The following SCAF4 variants were observed in gnomAD, a reference collection of about 807,000 sequenced individuals.
The protein encoded by SCAF4 is SR-related CTD associated factor 4.
In SCAF4, 25 loss-of-function variants were observed where a neutral mutation model predicts 129.8. The observed-to-expected ratio is 0.19, with a 90% CI of 0.14 to 0.27. The LOEUF (loss-of-function observed/expected upper bound fraction) is 0.27. Among genes scored for constraint, SCAF4 ranks in the 10% least tolerant of loss-of-function variants. The pLI is 1.00. For missense variants in SCAF4, 1,246 were observed against 1,457.1 expected, an observed-to-expected ratio of 0.86 and a Z score of 2.36; for synonymous variants, 551 against 497.7, an observed-to-expected ratio of 1.11 and a Z score of -1.43.
chr21:31,683,947 AT>A (rs952103864), intron 19 of SCAF4: 2 of 153,492 alleles, frequency 1.3e-5, no homozygotes, highest in African/African-American at 4.8e-5. Context: ...ACTCAAGGCT[AT>A]TATCAGCCTA....
chr21:31,673,306 C>T (rs897370877), intron 19 of SCAF4, among the ~76,000 whole-genome samples: 3 of 152,106 alleles, frequency 2.0e-5, no homozygotes, highest in African/African-American at 7.2e-5. Context: ...TACTATAATA[C>T]TATGATTGAA....
rs2051033154 is a variant in SCAF4, at chr21:31,720,010, AG to A, written c.30+11652del. 3.9e-5 allele frequency among the ~76,000 whole-genome samples: 6 copies of A among 152,214 alleles called. No homozygotes were observed. The South Asian group carries it at 1.2e-3, about 32-fold the overall frequency. On this transcript the variant is annotated intron_variant, in intron 1 of 19. Coordinates refer to ENST00000286835, the MANE Select transcript of SCAF4 (RefSeq NM_020706.2). ...TTTTCACTTGCTTGAAAGACAGGCC[AG>A]GAGGTGATTTTAGGAAATGCCAAAT...
intron 7 of SCAF4, among the ~76,000 whole-genome samples, chr21:31,698,851 A>C (rs8131714): frequency 0.042 from 6,354 of 152,246 alleles, 464 homozygotes; most frequent in African/African-American, 0.15. Flanking sequence ...TGCAAATTTC[A>C]AATTTGCTAG....
Position 31,701,152 on chromosome 21 carries a change from G to C in SCAF4, c.620C>G (p.Thr207Ser). The change falls in exon 7 of 20, where the codon ACT (threonine) becomes AGT (serine). Residue 207 changes from threonine (T) to serine (S), a missense_variant. By Grantham distance (58) the Thr-to-Ser change is moderately conservative (BLOSUM62 1). Coordinates refer to ENST00000286835, the MANE Select transcript of SCAF4 (RefSeq NM_020706.2). ...CTGTGGTTTTGGAGGCTGTTGAAAA[G>C]TCTGAAGGATCTGCTGAAGCTTAAA... is the stretch of plus-strand genomic sequence containing the variant. Reference protein sequence around the residue: ...QGQQLQQILQTFQQPPKPQSP... With the variant: ...QGQQLQQILQSFQQPPKPQSP... 6.3e-7 allele frequency: 1 copy of C among 1,588,884 alleles called. No homozygotes were observed. Among genetic ancestry groups the C allele is most frequent in the Non-Finnish European group, 8.6e-7 (1 of 1,167,150 alleles).
At chr21:31,720,946 G>A (rs949183440) in intron 1 of SCAF4, among the ~76,000 whole-genome samples, 1 of 152,116 alleles carries the variant, frequency 6.6e-6, no homozygotes, top group Non-Finnish European at 1.5e-5. Context: ...CAACAAAATG[G>A]TTATGATATA....
chr21:31,707,736 C>G (rs2050701696), intron 1 of SCAF4, among the ~76,000 whole-genome samples: 3 of 152,128 alleles, frequency 2.0e-5, no homozygotes, highest in African/African-American at 7.2e-5. Flanking sequence ...AGCTAAGAGG[C>G]TAGACTAAAA....
intron 1 of SCAF4, among the ~76,000 whole-genome samples, chr21:31,717,826 C>CATATATATATATATATAT (rs796625672): frequency 9.1e-6 from 1 of 110,260 alleles, no homozygotes; most frequent in East Asian, 2.6e-4. Flanking sequence ...AAACTGCTGC[C>CATATATATATATATATAT]ATATATATAT....
intron 1 of SCAF4, among the ~76,000 whole-genome samples, chr21:31,717,841 A>ATATATATATG (rs1368659249): frequency 1.2e-5 from 1 of 83,332 alleles, no homozygotes; most frequent in African/African-American, 4.3e-5. Flanking sequence ...ATATATATAT[A>ATATATATATG]TACACACACA....
At chr21:31,700,822 T>C (rs2050510886) in intron 7 of SCAF4, 173 bp downstream of exon 7, 2 of 734,380 alleles carry the variant, frequency 2.7e-6, no homozygotes, top group African/African-American at 1.8e-5. Context: ...ACTGAGCACA[T>C]ATCACATTTA....
rs540952141 is a variant in SCAF4 at position 31,716,032 on chromosome 21, A to G, written c.31-9675T>C. On this transcript the variant is annotated intron_variant, in intron 1 of 19. Coordinates refer to ENST00000286835, the MANE Select transcript of SCAF4 (RefSeq NM_020706.2). The stretch of plus-strand genomic sequence containing the variant: ...ACAAAAGTAAACTGGCCCAGAGTCT[A>G]CAATTTCTAAAGTATGCTTTTTCCT... 1.2e-3 allele frequency among the ~76,000 whole-genome samples: 190 copies of G among 152,290 alleles called. 6 individuals are homozygous for G. Among genetic ancestry groups the G allele is most frequent in the Admixed American group, 8.5e-4 (13 of 15,290 alleles).
Position 31,705,432 on chromosome 21 carries a change from G to T in SCAF4, c.150C>A (p.Phe50Leu). 7.8e-7 allele frequency: 1 copy of T among 1,274,468 alleles called. No individual in the cohort carries two copies. Among genetic ancestry groups the T allele is most frequent in the South Asian group, 1.4e-5 (1 of 73,348 alleles). The allele number at this position is 1,274,468 out of a possible 1,614,324, so 78.9% of individuals were successfully genotyped here. The stretch of plus-strand genomic sequence containing the variant: ...AATGAGAGATAGTTACCTTTTTGAT[G>T]AACTTTTCTACTATTTGAACTACAT... Reference protein sequence around the residue: ...YKHVVQIVEKFIKKCKPEYKV... With the variant: ...YKHVVQIVEKLIKKCKPEYKV... Residue 50 changes from phenylalanine (F) to leucine (L), a missense_variant, in exon 3 of 20, where the codon TTC (phenylalanine) becomes TTA (leucine). This residue lies in a region of SCAF4 where 56 missense variants were observed against 139.4 expected (regional missense o/e 0.40). Coordinates refer to ENST00000286835, the MANE Select transcript of SCAF4 (RefSeq NM_020706.2).
At chr21:31,702,492 G>GT (rs755933703) in intron 4 of SCAF4, 113 bp from the exon 5 acceptor site, 32 of 927,258 alleles carry the variant, frequency 3.5e-5, no homozygotes, top group Non-Finnish European at 4.8e-5. Flanking sequence ...CATACTATGT[G>GT]TGTTTCATAA....
At chr21:31,684,815 A>G in intron 19 of SCAF4, 1 of 524,086 alleles carries the variant, frequency 1.9e-6, no homozygotes, top group East Asian at 3.4e-5. Flanking sequence ...ACAGACAAAC[A>G]TGATTTTGTC....
chr21:31,696,058 C>G, intron 9 of SCAF4, 55 bp downstream of exon 9: 1 of 1,301,870 alleles, frequency 7.7e-7, no homozygotes, highest in East Asian at 2.3e-5. Flanking sequence ...GAATGCAAAC[C>G]ATACGCTCTA....
intron 14 of SCAF4, 148 bp downstream of exon 14, chr21:31,691,669 C>CT (rs886100904): frequency 2.2e-5 from 8 of 361,734 alleles, no homozygotes; most frequent in African/African-American, 1.7e-4. Flanking sequence ...AGGAAATATT[C>CT]TTTAAAAAAA....
At chr21:31,703,286 G>A (rs1221397553) in intron 4 of SCAF4, among the ~76,000 whole-genome samples, 5 of 152,018 alleles carry the variant, frequency 3.3e-5, no homozygotes, top group Admixed American at 2.6e-4. Context: ...CTTTAAAGAT[G>A]ATGCGCCTTT....
At chr21:31,675,088 C>T (rs1428453411) in intron 19 of SCAF4, among the ~76,000 whole-genome samples, 1 of 152,076 alleles carries the variant, frequency 6.6e-6, no homozygotes, top group Non-Finnish European at 1.5e-5. Context: ...TTTGAAAAGG[C>T]ATATAGCAAG....
chr21:31,717,993 G>C (rs1157118391), intron 1 of SCAF4, among the ~76,000 whole-genome samples: 1 of 151,714 alleles, frequency 6.6e-6, no homozygotes, highest in African/African-American at 2.4e-5. Flanking sequence ...GCCCAGGCTG[G>C]AGTGCAATGG....
chr21:31,705,994 C>T (rs924704117), intron 2 of SCAF4, among the ~76,000 whole-genome samples: 1 of 152,200 alleles, frequency 6.6e-6, no homozygotes, highest in African/African-American at 2.4e-5. Flanking sequence ...CACTTGAACC[C>T]GGGAGGGTGA....
Sources: gnomAD v4.1 joint callset for allele counts (sites outside exome capture counted in the v4.1 genomes callset) on GRCh38, gnomAD v4.1.1 for gene constraint, gnomAD v4.1.1 regional missense constraint, MANE v1.5 for transcripts, NCBI Gene and HGNC (gene_info 2026-07-23, HGNC 2026-07-21) for gene names.